The following KIF1A variants were observed in gnomAD, a reference collection of about 807,000 sequenced individuals.
The protein encoded by KIF1A is kinesin family member 1A, also known as kinesin-like protein KIF1A.
In KIF1A, 46 loss-of-function variants were observed where a neutral mutation model predicts 227.3. The ratio of observed to expected loss-of-function variants is 0.20; its 90% CI spans 0.16 to 0.26. KIF1A has a LOEUF of 0.26. Among genes scored for constraint, KIF1A ranks in the 10% least tolerant of loss-of-function variants. The probability of loss-of-function intolerance (pLI) is 1.00; values close to 1 mark genes in which losing one functional copy is unlikely to be tolerated. For synonymous variants in KIF1A, 1,022 were observed against 1,012.8 expected (o/e 1.01, Z -0.17); for missense variants, 1,683 against 2,485.9 (o/e 0.68, Z 6.87).
At chr2:240,772,116 G>C (rs1464290888) in intron 14 of KIF1A, among the ~76,000 whole-genome samples, 2 of 152,226 alleles carry the variant, frequency 1.3e-5, no homozygotes, top group Non-Finnish European at 2.9e-5. Flanking sequence ...CCTGGGCGTG[G>C]GGGGTCAGGT....
chr2:240,763,498 C>G (rs942135013), intron 20 of KIF1A, among the ~76,000 whole-genome samples, 152 bp from the exon 21 acceptor site: 1 of 152,220 alleles, frequency 6.6e-6, no homozygotes, highest in Non-Finnish European at 1.5e-5. Flanking sequence ...CTCGCTGGGA[C>G]CTGAATGTGT....
At chr2:240,812,451 T>C (rs552724872) in intron 1 of KIF1A, among the ~76,000 whole-genome samples, 1 of 152,256 alleles carries the variant, frequency 6.6e-6, no homozygotes, top group East Asian at 1.9e-4. Flanking sequence ...CCTTCACCTC[T>C]GGGTCTGCCT....
chr2:240,764,878 T>A (rs982785681), intron 20 of KIF1A, among the ~76,000 whole-genome samples: 24 of 152,084 alleles, frequency 1.6e-4, no homozygotes, highest in African/African-American at 5.6e-4. Context: ...TGGAGTCCAC[T>A]CCTGCCAAGT....
chr2:240,739,941 G>T lies in KIF1A; in HGVS notation c.3901+117C>A. 1 of 748,760 alleles carries T rather than the reference G, an allele frequency of 1.3e-6. No individual in the cohort carries two copies. Among genetic ancestry groups the T allele is most frequent in the South Asian group, 1.7e-5 (1 of 60,510 alleles). 46.4% of individuals were successfully genotyped at this position (748,760 alleles called of 1,614,324 possible). A position where few individuals can be genotyped will look rare whatever the true frequency, so the allele number is the denominator to read the frequency against. On this transcript the variant is annotated intron_variant, in intron 37 of 48. Coordinates refer to ENST00000498729, the MANE Select transcript of KIF1A (RefSeq NM_001244008.2). This position sits in a 1 kb window ranked among gnomAD's most constrained non-coding sequence, Gnocchi z 5.6. The stretch of plus-strand genomic sequence containing the variant: ...ACAGAGAGATTATGTGACCCGGCCA[G>T]GGTCACGCAGCAACAGACGCAGAGG...
intron 1 of KIF1A, among the ~76,000 whole-genome samples, chr2:240,798,683 T>C (rs1459053123): frequency 2.0e-5 from 3 of 152,218 alleles, no homozygotes; most frequent in East Asian, 3.8e-4. Flanking sequence ...AAGCAGCCAC[T>C]GTGAAAGGTC....
At chr2:240,732,381 C>G (rs151091060) in intron 38 of KIF1A, among the ~76,000 whole-genome samples, 2 of 89,060 alleles carry the variant, frequency 2.2e-5, no homozygotes, top group African/African-American at 4.6e-5. Context: ...GGAAGAGGGG[C>G]GGAGGGAATG....
chr2:240,779,981 C>T (rs1405855867), intron 10 of KIF1A, among the ~76,000 whole-genome samples: 1 of 152,132 alleles, frequency 6.6e-6, no homozygotes, highest in African/African-American at 2.4e-5. Flanking sequence ...AGCCCCGTTG[C>T]ACCCACTTTC....
At chr2:240,754,361 T>TG (rs1553632126) in intron 27 of KIF1A, among the ~76,000 whole-genome samples, 1 of 149,972 alleles carries the variant, frequency 6.7e-6, no homozygotes, top group Non-Finnish European at 1.5e-5. Flanking sequence ...GGTGCTCTCC[T>TG]CTCCCCACTG....
At chr2:240,771,223 G>C in intron 14 of KIF1A, 119 bp from the exon 15 acceptor site, 1 of 1,237,922 alleles carries the variant, frequency 8.1e-7, no homozygotes, top group South Asian at 1.3e-5. Flanking sequence ...CAGAGGGAGG[G>C]AGAGAAAAAA....
At chr2:240,761,438 C>T in intron 23 of KIF1A, 61 bp from the exon 24 acceptor site, 7 of 1,466,852 alleles carry the variant, frequency 4.8e-6, no homozygotes, top group African/African-American at 2.8e-5. Flanking sequence ...CACCATGCCC[C>T]GCCCTCTGGA....
At chr2:240,797,908 C>G in intron 1 of KIF1A, 96 bp from the exon 2 acceptor site, 1 of 594,082 alleles carries the variant, frequency 1.7e-6, no homozygotes, top group South Asian at 2.1e-5. Flanking sequence ...TTCCACTCCC[C>G]TCCAAAGCTC....
intron 2 of KIF1A, 27 bp downstream of exon 2, chr2:240,797,620 C>T (rs747219734): frequency 2.3e-5 from 35 of 1,534,858 alleles, no homozygotes; most frequent in Non-Finnish European, 3.1e-5. Flanking sequence ...CATGGCCGAC[C>T]CCGATGCTGT....
At position 240,773,100 on chromosome 2, in the gene KIF1A, G is replaced by A. The variant is rs1347778044; in HGVS notation, c.1180+14C>T. On this transcript the variant is annotated intron_variant, in intron 13 of 48. Coordinates refer to ENST00000498729, the MANE Select transcript of KIF1A (RefSeq NM_001244008.2). ...CCACAACCCTGTCCAGGACAGGCTG[G>A]AGCAGGCACTCACTGTCAGTGATGT... The A allele has an allele frequency of 6.2e-7, 1 of 1,605,522 alleles. No individual in the cohort carries two copies. The highest frequency in any genetic ancestry group is 8.5e-7 in the Non-Finnish European group (1 of 1,176,072).
chr2:240,722,241 T>C (rs1287201323), intron 43 of KIF1A, among the ~76,000 whole-genome samples: 1 of 152,154 alleles, frequency 6.6e-6, no homozygotes, highest in Non-Finnish European at 1.5e-5. Flanking sequence ...GATTCATCGC[T>C]TGGGAAGGGA....
chr2:240,762,937 G>A (rs780778913), intron 22 of KIF1A, 82 bp downstream of exon 22: 11 of 1,368,998 alleles, frequency 8.0e-6, no homozygotes, highest in Non-Finnish European at 9.9e-6. Flanking sequence ...CAGGCAAGCA[G>A]GGAGGAGTGG....
Position 240,789,226 on chromosome 2 carries a change from C to T in KIF1A, c.183+10G>A. On this transcript the variant is annotated intron_variant, in intron 3 of 48. Transcript: ENST00000498729. The surrounding 1 kb of genome is among the most constrained non-coding windows in gnomAD (Gnocchi z 4.8). ...GCCCCCGCCTCCCCCGACCCGGGGT[C>T]CCGGCTTACTGAGGTGTGCGACCAG... The T allele has an allele frequency of 1.9e-6, 3 of 1,612,642 alleles. No individual in the cohort carries two copies. Among genetic ancestry groups the T allele is most frequent in the South Asian group, 1.1e-5 (1 of 91,062 alleles).
Position 240,747,324 on chromosome 2 carries a change from G to A in KIF1A, c.2978-3C>T, listed in dbSNP as rs1318205052. On this transcript the variant is annotated splice_region_variant and splice_polypyrimidine_tract_variant and intron_variant, in intron 28 of 48. Transcript: ENST00000498729. ...ATAATCAGGGGCCTCTTCATCGGCTGCAGGAGAAACAGAGCAAATGGTTGG... is the reference window on the plus strand; with the variant it reads ...ATAATCAGGGGCCTCTTCATCGGCTACAGGAGAAACAGAGCAAATGGTTGG... 2.5e-6 allele frequency: 4 copies of A among 1,612,294 alleles called. No individual in the cohort carries two copies. The highest frequency in any genetic ancestry group is 1.1e-5 in the South Asian group (1 of 91,008).
rs779468930 is a variant in KIF1A, at chr2:240,717,314, T to C, written c.*50A>G. 5.7e-5 allele frequency: 88 copies of C among 1,555,072 alleles called. 1 individual carries two copies. The highest frequency in any genetic ancestry group is 8.9e-5 in the South Asian group (8 of 89,800). ...CGGCAGGTGACAGGACAGACGAGGATGAGGGAGGGGATGGGCTGGGCCTGC... is the reference window on the plus strand; with the variant it reads ...CGGCAGGTGACAGGACAGACGAGGACGAGGGAGGGGATGGGCTGGGCCTGC... On this transcript the variant is annotated 3_prime_UTR_variant, in exon 49 of 49. Coordinates refer to ENST00000498729, the MANE Select transcript of KIF1A (RefSeq NM_001244008.2).
chr2:240,745,451 TG>T lies in KIF1A; in HGVS notation c.3440del (p.Pro1147HisfsTer14). 2 of 1,613,350 alleles carry T rather than the reference TG, an allele frequency of 1.2e-6. No individual in the cohort carries two copies. Among genetic ancestry groups the T allele is most frequent in the Non-Finnish European group, 1.7e-6 (2 of 1,179,640 alleles). On this transcript the variant is annotated frameshift_variant, in exon 32 of 49. Transcript: ENST00000498729. LOFTEE classifies it high-confidence loss of function. ...CGTTCTGGACGTGGTAGAAGCCAAG[TG>T]GGGGGCCTCTGCCTGTGTTCTTCAG... ...EPLKNTGRGP[P>X]LGFYHVQNIA...
Sources: allele counts gnomAD v4.1 joint callset (sites outside exome capture counted in the v4.1 genomes callset), GRCh38; gene constraint gnomAD v4.1.1; non-coding constraint Gnocchi (gnomAD v3.1); transcripts MANE v1.5; gene names NCBI Gene and HGNC (gene_info 2026-07-23, HGNC 2026-07-21).